The following MMP25 variants were observed in gnomAD, a reference collection of about 807,000 sequenced individuals.
MMP25 encodes the protein matrix metalloproteinase-25.
MMP25 carries 68 observed loss-of-function variants against 62.1 expected under a neutral mutation model. That is an observed-to-expected ratio of 1.10 (90% CI 0.90 to 1.34). MMP25 has a LOEUF of 1.34. Among genes scored for constraint, MMP25 ranks in the 40% most tolerant of loss-of-function variants. The pLI is 0.00. For synonymous variants in MMP25, 407 were observed against 345.6 expected (o/e 1.18, Z -1.97); for missense variants, 942 against 792.5 (o/e 1.19, Z -2.26).
rs912951660 is a variant in MMP25, at chr16:3,046,997, A to G, written c.80A>G (p.Gln27Arg). The G allele has an allele frequency of 1.4e-6, 2 of 1,469,776 alleles. No homozygotes were observed. The highest frequency in any genetic ancestry group is 2.5e-5 in the Admixed American group (1 of 40,180). 91.0% of individuals were successfully genotyped at this position (1,469,776 alleles called of 1,614,324 possible). The change falls in exon 1 of 10, where the codon CAG (glutamine) becomes CGG (arginine). Residue 27 changes from glutamine (Q) to arginine (R), a missense_variant. Coordinates refer to ENST00000336577, the MANE Select transcript of MMP25 (RefSeq NM_022468.5). Reference sequence around the variant, plus strand: ...GCGCGCGCCCCGAAGCCCTCGGCGCAGGACGTGAGCCTGGGCGTGGTGAGC... The same window carrying G: ...GCGCGCGCCCCGAAGCCCTCGGCGCGGGACGTGAGCCTGGGCGTGGTGAGC... The part of the protein sequence containing the change: ...PPARAPKPSA[Q>R]DVSLGVDWLT...
At position 3,059,116 on chromosome 16, in the gene MMP25, A is replaced by C. The variant is rs545966266; in HGVS notation, c.*18A>C. 7.2e-6 allele frequency: 11 copies of C among 1,520,254 alleles called. No individual in the cohort carries two copies. Among genetic ancestry groups the C allele is most frequent in the Non-Finnish European group, 8.9e-6 (10 of 1,129,370 alleles). 94.2% of individuals were successfully genotyped at this position (1,520,254 alleles called of 1,614,324 possible). On this transcript the variant is annotated 3_prime_UTR_variant, in exon 10 of 10. Transcript: ENST00000336577. ...CCCGCTGATGGGGGGAGCCATCCAG[A>C]CCGAACAGCGCCCTCCACGGCCGAG...
chr16:3,046,834 C>G lies in MMP25; in HGVS notation c.-84C>G. ...CCGGGTGCCCCCCGCCCTCTCCAGG[C>G]CCGGATCTCCTCCCCCAGGTCCCCG... On this transcript the variant is annotated 5_prime_UTR_variant, in exon 1 of 10. Coordinates refer to ENST00000336577, the MANE Select transcript of MMP25 (RefSeq NM_022468.5). The G allele has an allele frequency of 6.7e-6, 5 of 743,210 alleles. No individual in the cohort carries two copies. The highest frequency in any genetic ancestry group is 9.8e-6 in the Non-Finnish European group (5 of 510,078). 46.0% of individuals were successfully genotyped at this position (743,210 alleles called of 1,614,324 possible).
rs1555500618 is a variant in MMP25 at position 3,050,269 on chromosome 16, C to T, written c.384C>T (p.Pro128=). The stretch of plus-strand genomic sequence containing the variant: ...CTCTCCCCAGGGTACGTTCCTTCCC[C>T]CAGAGCTCCCAGCTGAGCCAGGAGA... ...RTLTWRVRSF[P]QSSQLSQETV... The change falls in exon 4 of 10, where the codon CCC becomes CCT. Residue 128 remains proline, a synonymous_variant. Transcript: ENST00000336577. The T allele has an allele frequency of 1.1e-5, 17 of 1,600,052 alleles. 1 individual carries two copies. The highest frequency in any genetic ancestry group is 3.3e-4 in the Middle Eastern group (2 of 6,002).
rs145529221 is a variant in MMP25, at chr16:3,058,864, C to T, written c.1455C>T (p.Arg485=). The T allele has an allele frequency of 4.8e-5, 74 of 1,546,226 alleles. No homozygotes were observed. In the Middle Eastern group the frequency reaches 5.1e-4, roughly 11 times the overall value. ...TYFFKGAHYW[R]FPKNSIKTEP... is the part of the protein sequence containing the mutation. The stretch of plus-strand genomic sequence containing the variant: ...TCTTCAAGGGCGCCCACTACTGGCG[C>T]TTCCCCAAGAACAGCATCAAGACCG... The change falls in exon 10 of 10, where the codon CGC becomes CGT. Residue 485 remains arginine (R), a synonymous_variant. Transcript: ENST00000336577.
intron 1 of MMP25, 148 bp from the exon 2 acceptor site, chr16:3,047,267 G>C: frequency 8.1e-7 from 1 of 1,229,624 alleles, no homozygotes; most frequent in South Asian, 1.5e-5. Flanking sequence ...CTGAAGCGGG[G>C]ACCTATGGAG....
chr16:3,046,646 C>G lies in MMP25; in HGVS notation c.-272C>G, dbSNP rs1435943321. ...GAGAGGCCGCCGCGGCACATCCAGA[C>G]CTCCGCCGCTCCCGCGCCCTCTCAA... On this transcript the variant is annotated 5_prime_UTR_variant, in exon 1 of 10. Coordinates refer to ENST00000336577, the MANE Select transcript of MMP25 (RefSeq NM_022468.5). 14 of 285,134 alleles carry G rather than the reference C, an allele frequency of 4.9e-5. No homozygotes were observed. The allele number at this position is 285,134 out of a possible 1,614,324, so 17.7% of individuals were successfully genotyped here.
rs1057455857 is a variant in MMP25, at chr16:3,058,418, A to T, written c.1166A>T (p.Gln389Leu). ...CCCGGCCTCCACCCTGCAGGGCCCC[A>T]GTTCTGGGTGTTCCAGGACCGGCAG... ...DGRILLFSGPQFWVFQDRQLE... is the reference protein window; with the variant it reads ...DGRILLFSGPLFWVFQDRQLE... The change falls in exon 9 of 10, where the codon CAG becomes CTG. Residue 389 changes from glutamine to leucine, a missense_variant. Gln to Leu is a moderately radical substitution (Grantham distance 113, BLOSUM62 -2). Coordinates refer to ENST00000336577, the MANE Select transcript of MMP25 (RefSeq NM_022468.5). 1.9e-6 allele frequency: 3 copies of T among 1,557,466 alleles called. No individual in the cohort carries two copies. The highest frequency in any genetic ancestry group is 2.6e-6 in the Non-Finnish European group (3 of 1,151,604).
chr16:3,047,252 C>G (rs1567429848), intron 1 of MMP25, among the ~76,000 whole-genome samples, 163 bp from the exon 2 acceptor site: 1 of 152,202 alleles, frequency 6.6e-6, no homozygotes, highest in Non-Finnish European at 1.5e-5. Flanking sequence ...CTGGCAAACC[C>G]GGGACTGAAG....
chr16:3,047,505 G>C lies in MMP25; in HGVS notation c.190G>C (p.Val64Leu). The change falls in exon 2 of 10, where the codon GTC (valine) becomes CTC (leucine). Residue 64 changes from valine (V) to leucine (L), a missense_variant. By Grantham distance (32) the Val-to-Leu change is conservative. Coordinates refer to ENST00000336577, the MANE Select transcript of MMP25 (RefSeq NM_022468.5). ...TGAGAAGTTGCGCGATGCCATCAAA[G>C]TCATGCAGAGGTTCGCGGGGCTGCC... ...SPEKLRDAIK[V>L]MQRFAGLPET... is the part of the protein sequence containing the mutation. The C allele has an allele frequency of 6.2e-7, 1 of 1,613,886 alleles. No individual in the cohort carries two copies. Among genetic ancestry groups the C allele is most frequent in the Non-Finnish European group, 8.5e-7 (1 of 1,179,968 alleles).
At chr16:3,049,064 T>C (rs1303579700) in intron 2 of MMP25, among the ~76,000 whole-genome samples, 1 of 151,972 alleles carries the variant, frequency 6.6e-6, no homozygotes, top group Non-Finnish European at 1.5e-5. Flanking sequence ...CACCTTGGCC[T>C]CCCACAGTGC....
chr16:3,058,229 G>T lies in MMP25; in HGVS notation c.1055G>T (p.Arg352Leu), dbSNP rs763980250. The T allele has an allele frequency of 5.6e-6, 9 of 1,612,346 alleles. No homozygotes were observed. In the Admixed American group the frequency reaches 6.7e-5, roughly 12 times the overall value. ...LQPSGQLVSP[R>L]PARLHRFWEG... ...CCCTCCGGACAGCTGGTGTCCCCGC[G>T]ACCCGCACGGCTGCACCGCTTCTGG... The change falls in exon 8 of 10, where the codon CGA becomes CTA. Residue 352 changes from arginine (R) to leucine (L), a missense_variant. Arg to Leu is a moderately radical substitution (Grantham distance 102). Transcript: ENST00000336577.
intron 2 of MMP25, among the ~76,000 whole-genome samples, chr16:3,048,105 C>T (rs1012335883): frequency 3.9e-5 from 6 of 152,178 alleles, no homozygotes; most frequent in Non-Finnish European, 7.3e-5. Flanking sequence ...TCCCAAAGTC[C>T]TGGGATTACA....
In MMP25 at chr16:3,046,762, C is replaced by G; in HGVS notation, c.-156C>G. ...TGACTCCACCGCGCACTTCCCGGGACCCCCACACACATCCCAGCCCTCCGG... is the reference window on the plus strand; with the variant it reads ...TGACTCCACCGCGCACTTCCCGGGAGCCCCACACACATCCCAGCCCTCCGG... On this transcript the variant is annotated 5_prime_UTR_variant, in exon 1 of 10. Coordinates refer to ENST00000336577, the MANE Select transcript of MMP25 (RefSeq NM_022468.5). The G allele has an allele frequency of 2.2e-6, 1 of 455,982 alleles. No homozygotes were observed. The highest frequency in any genetic ancestry group is 3.8e-6 in the Non-Finnish European group (1 of 261,344). 28.2% of individuals were successfully genotyped at this position (455,982 alleles called of 1,614,324 possible).
intron 4 of MMP25, chr16:3,054,524 G>T (rs1193318356): frequency 2.7e-5 from 4 of 147,744 alleles, no homozygotes; most frequent in Non-Finnish European, 6.0e-5. Flanking sequence ...AGGCAGGGAT[G>T]AATGGACAGA....
rs145736176 is a variant in MMP25 at position 3,057,589 on chromosome 16, C to A, written c.982C>A (p.Arg328=). The A allele has an allele frequency of 3.7e-5, 59 of 1,614,022 alleles. 1 individual carries two copies. Among genetic ancestry groups the A allele is most frequent in the Non-Finnish European group, 4.7e-5 (56 of 1,180,030 alleles). The part of the protein sequence containing the change: ...EGNFDAIANI[R]GETFFFKGPW... Reference sequence around the variant, plus strand: ...CAATTTTGACGCCATCGCCAACATCCGAGGGGAAACTTTCTTCTTCAAAGG... The same window carrying A: ...CAATTTTGACGCCATCGCCAACATCAGAGGGGAAACTTTCTTCTTCAAAGG... Residue 328 remains arginine, a synonymous_variant, in exon 7 of 10, where the codon CGA becomes AGA. Transcript: ENST00000336577.
intron 3 of MMP25, 48 bp from the exon 4 acceptor site, chr16:3,050,206 G>A: frequency 6.3e-7 from 1 of 1,576,418 alleles, no homozygotes; most frequent in African/African-American, 1.3e-5. Context: ...TTGAATGGCT[G>A]CCTGCTCCCT....
At chr16:3,050,665 G>A in intron 4 of MMP25, 119 bp downstream of exon 4, 1 of 1,047,602 alleles carries the variant, frequency 9.5e-7, no homozygotes, top group South Asian at 1.9e-5. Flanking sequence ...TCAGGCTAGA[G>A]TGCAGTGGTG....
At chr16:3,048,866 C>A (rs1403826342) in intron 2 of MMP25, among the ~76,000 whole-genome samples, 1 of 149,796 alleles carries the variant, frequency 6.7e-6, no homozygotes, top group Non-Finnish European at 1.5e-5. Flanking sequence ...AGTACAGTGG[C>A]GCAATCTCGG....
At chr16:3,055,492 G>A (rs185293037) in intron 4 of MMP25, among the ~76,000 whole-genome samples, 14 of 152,328 alleles carry the variant, frequency 9.2e-5, no homozygotes, top group African/African-American at 2.9e-4. Context: ...CCTGCTGAAA[G>A]GCAGGCTGGC....
Sources: gnomAD v4.1 joint callset for allele counts (sites outside exome capture counted in the v4.1 genomes callset) on GRCh38, gnomAD v4.1.1 for gene constraint, MANE v1.5 for transcripts, NCBI Gene and HGNC (gene_info 2026-07-23, HGNC 2026-07-21) for gene names.